The following EVC2 variants were observed in gnomAD, a reference collection of about 807,000 sequenced individuals.
EVC2 encodes the protein limbin.
Under a neutral mutation model 149.3 loss-of-function variants are expected in EVC2, and 148 were observed. The observed-to-expected ratio is 0.99, with a 90% CI of 0.87 to 1.14. The LOEUF (loss-of-function observed/expected upper bound fraction) is 1.14, where lower values mean the gene tolerates loss of function less well. Among genes scored for constraint, EVC2 ranks in the 50% most tolerant of loss-of-function variants. The probability of loss-of-function intolerance (pLI) is 0.00; values close to 1 mark genes in which losing one functional copy is unlikely to be tolerated. For missense variants in EVC2, 1,854 were observed against 1,627.3 expected, an observed-to-expected ratio of 1.14 and a Z score of -2.40; for synonymous variants, 776 against 649.9, an observed-to-expected ratio of 1.19 and a Z score of -2.95.
chr4:5,539,436 C>A (rs1721474114), downstream of EVC2, among the ~76,000 whole-genome samples: 1 of 152,028 alleles, frequency 6.6e-6, no homozygotes, highest in Admixed American at 6.6e-5. Context: ...AGAAGTAATT[C>A]TAAAATTTGC....
chr4:5,534,424 G>A, the EVC2 span, among the ~76,000 whole-genome samples: 1 of 152,182 alleles, frequency 6.6e-6, no homozygotes, highest in Non-Finnish European at 1.5e-5. Context: ...TCATATAAAG[G>A]TGAGAGACTG....
chr4:5,566,786 C>T (rs1302326203), intron 20 of EVC2, among the ~76,000 whole-genome samples: 1 of 152,004 alleles, frequency 6.6e-6, no homozygotes. Flanking sequence ...ACTAAGCTGG[C>T]TGAAGGGGAA....
intron 1 of EVC2, among the ~76,000 whole-genome samples, chr4:5,698,845 T>G (rs1018761949): frequency 5.9e-5 from 9 of 152,198 alleles, no homozygotes; most frequent in African/African-American, 2.2e-4. Flanking sequence ...GATGTGTATG[T>G]GAGTTGAGCG....
At chr4:5,544,079 A>G (rs1721567030) in intron 21 of EVC2, among the ~76,000 whole-genome samples, 1 of 152,182 alleles carries the variant, frequency 6.6e-6, no homozygotes, top group African/African-American at 2.4e-5. Flanking sequence ...CCCACTTGCC[A>G]CATGAAAACT....
intron 1 of EVC2, chr4:5,708,009 T>C (rs1452090151): frequency 2.9e-6 from 1 of 340,596 alleles, no homozygotes; most frequent in Non-Finnish European, 5.3e-6. Flanking sequence ...TGAACTGCCC[T>C]AGGTCGAAGC....
At chr4:5,628,798 G>A (rs372135085) in intron 11 of EVC2, 64 bp from the exon 12 acceptor site, 1 of 1,476,896 alleles carries the variant, frequency 6.8e-7, no homozygotes, top group African/African-American at 1.4e-5. Context: ...AATCTTTCTA[G>A]ACATTTAAAA....
At chr4:5,616,508 C>A (rs558351205) in intron 15 of EVC2, among the ~76,000 whole-genome samples, 1 of 152,316 alleles carries the variant, frequency 6.6e-6, no homozygotes, top group East Asian at 1.9e-4. Flanking sequence ...GGTGGTGACA[C>A]AACGGTGGGT....
intron 21 of EVC2, among the ~76,000 whole-genome samples, chr4:5,553,465 C>T (rs528012498): frequency 8.6e-4 from 131 of 152,246 alleles, no homozygotes; most frequent in African/African-American, 2.9e-3. Context: ...AGTGGGAATA[C>T]ATGAACTCTG....
chr4:5,651,444 G>A (rs529921671), intron 9 of EVC2, among the ~76,000 whole-genome samples: 1 of 152,192 alleles, frequency 6.6e-6, no homozygotes, highest in African/African-American at 2.4e-5. Context: ...GAATGAGTAG[G>A]TGTATGGGTG....
At chr4:5,634,063 GTGGA>G (rs1716733190) in intron 10 of EVC2, among the ~76,000 whole-genome samples, 1 of 152,236 alleles carries the variant, frequency 6.6e-6, no homozygotes, top group African/African-American at 2.4e-5. Flanking sequence ...GCAAAGCCTA[GTGGA>G]TGACAGCAGG....
intron 9 of EVC2, among the ~76,000 whole-genome samples, chr4:5,652,198 G>A (rs1718194504): frequency 6.6e-6 from 1 of 152,224 alleles, no homozygotes; most frequent in African/African-American, 2.4e-5. Context: ...CTGGGACTCA[G>A]GTGCTGGTGA....
At chr4:5,578,733 G>T (rs915044285) in intron 17 of EVC2, among the ~76,000 whole-genome samples, 1 of 152,004 alleles carries the variant, frequency 6.6e-6, no homozygotes, top group Non-Finnish European at 1.5e-5. Flanking sequence ...ATAGATTGGG[G>T]GATTCAGGGG....
chr4:5,673,123 A>G (rs1327597396), intron 7 of EVC2, among the ~76,000 whole-genome samples: 4 of 152,250 alleles, frequency 2.6e-5, no homozygotes, highest in Non-Finnish European at 5.9e-5. Context: ...AGTAAATGTT[A>G]GGCTGTGTAT....
At position 5,629,814 on chromosome 4, in the gene EVC2, G is replaced by A. The variant is rs570217747; in HGVS notation, c.1711-1080C>T. Among the ~76,000 whole-genome samples, 15 of 152,302 alleles carry A rather than the reference G, an allele frequency of 9.8e-5. No individual in the cohort carries two copies. In the East Asian group the frequency reaches 1.9e-3, roughly 20 times the overall value. On this transcript the variant is annotated intron_variant, in intron 11 of 21. Transcript: ENST00000344408. Reference sequence around the variant, plus strand: ...GCAATGTTCCTGCTCTCCACCTAGCGGGATCCATGCATGCTGATTGATGGG... The same window carrying A: ...GCAATGTTCCTGCTCTCCACCTAGCAGGATCCATGCATGCTGATTGATGGG...
In EVC2 at chr4:5,592,962, C is replaced by T. The variant is rs544133082; in HGVS notation, c.2830-8112G>A. ...GGTAACTGAATCATGGGGGTGATTA[C>T]CTCCATGCTGTTCTCCTGAGAGTGA... On this transcript the variant is annotated intron_variant, in intron 16 of 21. Transcript: ENST00000344408. Among the ~76,000 whole-genome samples, 605 of 152,286 alleles carry T rather than the reference C, an allele frequency of 4.0e-3. 7 individuals are homozygous for T. The highest frequency in any genetic ancestry group is 0.014 in the African/African-American group (581 of 41,564).
At position 5,622,901 on chromosome 4, in the gene EVC2, G is replaced by T. The variant is rs143662104; in HGVS notation, c.2137C>A (p.Leu713Met). 6.2e-6 allele frequency: 10 copies of T among 1,614,200 alleles called. No individual in the cohort carries two copies. The South Asian group carries it at 8.8e-5, about 14-fold the overall frequency. Residue 713 changes from leucine to methionine, a missense_variant, in exon 14 of 22, where the codon CTG becomes ATG. Transcript: ENST00000344408. The surrounding 1 kb of genome is among the most constrained non-coding windows in gnomAD (Gnocchi z 5.8). ...AGGGTGGCACCGTGCTCCTCCATCA[G>T]GCTCCTCTTCTGGTGCAGGTACTGG... ...AGQYLHQKRSLMEEHGATLEE... is the reference protein window; with the variant it reads ...AGQYLHQKRSMMEEHGATLEE...
intron 21 of EVC2, among the ~76,000 whole-genome samples, chr4:5,546,826 T>C (rs1339290684): frequency 2.0e-5 from 3 of 152,242 alleles, no homozygotes; most frequent in Non-Finnish European, 4.4e-5. Flanking sequence ...GCTGCCATCA[T>C]GCTGGCTGCA....
downstream of EVC2, among the ~76,000 whole-genome samples, chr4:5,538,300 T>C (rs1397513095): frequency 6.6e-6 from 1 of 152,166 alleles, no homozygotes; most frequent in Non-Finnish European, 1.5e-5. Flanking sequence ...ACAGATACTG[T>C]ATACTCAAAG....
intron 20 of EVC2, among the ~76,000 whole-genome samples, chr4:5,568,240 T>C (rs1722419784): frequency 6.6e-6 from 1 of 152,206 alleles, no homozygotes; most frequent in Non-Finnish European, 1.5e-5. Context: ...GCATTTTTTT[T>C]TTTACGTTTT....
Sources: allele counts gnomAD v4.1 joint callset (sites outside exome capture counted in the v4.1 genomes callset), GRCh38; gene constraint gnomAD v4.1.1; non-coding constraint Gnocchi (gnomAD v3.1); transcripts MANE v1.5; gene names NCBI Gene and HGNC (gene_info 2026-07-23, HGNC 2026-07-21).